Variants in CSMD1 observed in about 807,000 individuals in gnomAD.
CSMD1 encodes the protein CUB and sushi domain-containing protein 1.
A neutral mutation model predicts 417.5 loss-of-function variants in CSMD1; 213 were observed. That is an observed-to-expected ratio of 0.51 (90% confidence interval 0.46 to 0.57). CSMD1 has a LOEUF of 0.57. Among genes scored for constraint, CSMD1 ranks in the 20% least tolerant of loss-of-function variants. The pLI, the probability that CSMD1 is intolerant of heterozygous loss-of-function variation, is 0.00. For synonymous variants in CSMD1, 2,862 were observed against 1,736.8 expected (o/e 1.65, Z -16.11); for missense variants, 6,923 against 4,529.7 (o/e 1.53, Z -15.17).
chr8:3,616,105 C>A (rs1372444802), intron 8 of CSMD1, among the ~76,000 whole-genome samples: 2 of 151,956 alleles, frequency 1.3e-5, no homozygotes, highest in East Asian at 3.9e-4. Flanking sequence ...AATATTTTAC[C>A]TTCTATCTTT....
At chr8:4,544,701 T>C (rs868272145) in intron 2 of CSMD1, among the ~76,000 whole-genome samples, 21 of 152,212 alleles carry the variant, frequency 1.4e-4, no homozygotes, top group Admixed American at 1.3e-3. Flanking sequence ...TTACAATGTA[T>C]CCTTGAAAAT....
At chr8:3,458,962 A>C (rs1379724922) in intron 12 of CSMD1, among the ~76,000 whole-genome samples, 1 of 152,192 alleles carries the variant, frequency 6.6e-6, no homozygotes, top group African/African-American at 2.4e-5. Flanking sequence ...GCTGTCCAGG[A>C]GAGAGGTGCA....
intron 2 of CSMD1, among the ~76,000 whole-genome samples, chr8:4,552,337 T>C (rs1210331901): frequency 6.6e-6 from 1 of 152,142 alleles, no homozygotes; most frequent in East Asian, 1.9e-4. Context: ...TCACATTCTT[T>C]TTTTTTTCTT....
At chr8:3,537,498 A>T (rs1401505642) in intron 10 of CSMD1, among the ~76,000 whole-genome samples, 2 of 152,330 alleles carry the variant, frequency 1.3e-5, no homozygotes, top group Admixed American at 6.5e-5. Flanking sequence ...GGAATTTAAG[A>T]CATTGGTTCA....
At chr8:3,567,077 T>G (rs1799745684) in intron 10 of CSMD1, among the ~76,000 whole-genome samples, 1 of 152,238 alleles carries the variant, frequency 6.6e-6, no homozygotes, top group Non-Finnish European at 1.5e-5. Context: ...ATGTATACCA[T>G]GGAATACTAT....
At chr8:4,922,515 A>C (rs1271378643) in intron 1 of CSMD1, among the ~76,000 whole-genome samples, 1 of 152,190 alleles carries the variant, frequency 6.6e-6, no homozygotes, top group Non-Finnish European at 1.5e-5. Context: ...CTCGTTTTAC[A>C]TTGCTGGGCA....
At chr8:3,305,406 C>G (rs537661302) in intron 25 of CSMD1, among the ~76,000 whole-genome samples, 2 of 151,806 alleles carry the variant, frequency 1.3e-5, no homozygotes, top group South Asian at 2.1e-4. Flanking sequence ...GCCATTGTAG[C>G]CATATTGAAA....
intron 5 of CSMD1, among the ~76,000 whole-genome samples, chr8:3,924,076 A>T (rs1024621591): frequency 1.3e-5 from 2 of 152,174 alleles, no homozygotes; most frequent in Non-Finnish European, 2.9e-5. Context: ...TGCAGGGTAT[A>T]TCTGGTGGTG....
intron 65 of CSMD1, among the ~76,000 whole-genome samples, chr8:2,953,233 T>A (rs1239972321): frequency 6.6e-6 from 1 of 152,156 alleles, no homozygotes; most frequent in African/African-American, 2.4e-5. Context: ...AATAAAATAG[T>A]CTAGAAAGCT....
intron 5 of CSMD1, among the ~76,000 whole-genome samples, chr8:3,764,267 T>A (rs1448426378): frequency 2.0e-5 from 3 of 152,210 alleles, no homozygotes; most frequent in African/African-American, 7.2e-5. Flanking sequence ...ACACACTGCC[T>A]GTGTTCCCGT....
intron 3 of CSMD1, among the ~76,000 whole-genome samples, chr8:4,064,536 G>A (rs977581055): frequency 3.9e-5 from 6 of 152,212 alleles, no homozygotes; most frequent in African/African-American, 1.2e-4. Context: ...AGCCACCCAT[G>A]AGGGGTGCAT....
rs545287760 is a variant in CSMD1, at chr8:3,768,626, A to C, written c.819-14584T>G. ...CATTAAATAGAAGCAGGAATTGACC[A>C]TATTTTATTTTCACTTGCTCCAGAA... On this transcript the variant is annotated intron_variant, in intron 5 of 69. Transcript: ENST00000635120. 3.3e-5 allele frequency among the ~76,000 whole-genome samples: 5 copies of C among 152,360 alleles called. No individual in the cohort carries two copies. The South Asian group carries it at 8.3e-4, about 25-fold the overall frequency.
chr8:3,762,335 C>T (rs1164621898), intron 5 of CSMD1, among the ~76,000 whole-genome samples: 1 of 152,104 alleles, frequency 6.6e-6, no homozygotes, highest in African/African-American at 2.4e-5. Context: ...CTTTAAATTT[C>T]AGATCATGTG....
chr8:4,067,211 T>C (rs1799298485), intron 3 of CSMD1, among the ~76,000 whole-genome samples: 1 of 152,368 alleles, frequency 6.6e-6, no homozygotes, highest in South Asian at 2.1e-4. Context: ...TATTTTATCA[T>C]CTTTTTTCTA....
chr8:4,505,969 T>C (rs1802504632), intron 2 of CSMD1, among the ~76,000 whole-genome samples: 1 of 152,030 alleles, frequency 6.6e-6, no homozygotes, highest in Admixed American at 6.6e-5. Flanking sequence ...TGGGTAATTT[T>C]TGTATTTTAG....
chr8:4,527,533 G>A (rs1285883513), intron 2 of CSMD1, among the ~76,000 whole-genome samples: 4 of 152,102 alleles, frequency 2.6e-5, no homozygotes, highest in African/African-American at 7.2e-5. Flanking sequence ...CAGGTTATCC[G>A]TACCAGCAGG....
intron 1 of CSMD1, among the ~76,000 whole-genome samples, chr8:4,957,279 A>AC (rs1368491184): frequency 3.2e-4 from 48 of 152,180 alleles, no homozygotes; most frequent in Admixed American, 2.8e-3. Flanking sequence ...TGAAATTCTC[A>AC]CCCCACACAA....
chr8:4,014,030 G>A (rs1226938784), intron 4 of CSMD1, among the ~76,000 whole-genome samples: 1 of 152,122 alleles, frequency 6.6e-6, no homozygotes, highest in Non-Finnish European at 1.5e-5. Context: ...GACATACGGA[G>A]AAATATTGAT....
At chr8:4,643,367 G>C (rs1371912248) in intron 1 of CSMD1, among the ~76,000 whole-genome samples, 3 of 152,116 alleles carry the variant, frequency 2.0e-5, no homozygotes, top group Non-Finnish European at 2.9e-5. Context: ...ATTACTTTCT[G>C]ACAGGCAGAT....
Sources: allele counts gnomAD v4.1 joint callset (sites outside exome capture counted in the v4.1 genomes callset), GRCh38; gene constraint gnomAD v4.1.1; transcripts MANE v1.5; gene names NCBI Gene and HGNC (gene_info 2026-07-23, HGNC 2026-07-21).